Variants in RIPOR2 observed in about 807,000 individuals in gnomAD.
RIPOR2 encodes RHO family interacting cell polarization regulator 2.
In RIPOR2, 39 loss-of-function variants were observed where a neutral mutation model predicts 114.5. The ratio of observed to expected loss-of-function variants is 0.34; its 90% confidence interval spans 0.26 to 0.44. RIPOR2 has a LOEUF of 0.44. Ranked by LOEUF, RIPOR2 falls within the 20% of genes least tolerant of loss-of-function variation. RIPOR2 has a pLI of 1.00. For missense variants in RIPOR2, 1,007 were observed against 1,255.1 expected (o/e 0.80, Z 2.99); for synonymous variants, 445 against 484.4 (o/e 0.92, Z 1.07).
chr6:24,810,394 T>A (rs1239950612), intron 20 of RIPOR2, among the ~76,000 whole-genome samples: 1 of 152,208 alleles, frequency 6.6e-6, no homozygotes, highest in Non-Finnish European at 1.5e-5. Context: ...TGAATCTCAC[T>A]GATTCCAAAA....
intron 1 of RIPOR2, among the ~76,000 whole-genome samples, chr6:25,022,790 C>T (rs1180677086): frequency 6.6e-6 from 1 of 151,936 alleles, no homozygotes; most frequent in Admixed American, 6.6e-5. Flanking sequence ...AAGCAGTCCT[C>T]TCCCCACCAT....
intron 1 of RIPOR2, among the ~76,000 whole-genome samples, chr6:24,983,987 A>T (rs1032375195): frequency 6.6e-6 from 1 of 152,118 alleles, no homozygotes; most frequent in East Asian, 1.9e-4. Context: ...GAATAAGGAC[A>T]TGCTAGCTCC....
rs1252716834 is a variant in RIPOR2, at chr6:25,022,795, C to T, written c.76+19056G>A. ...TCATGGGCTCAAGCAGTCCTCTCCC[C>T]ACCATCTCCCAAAGTTTTGGGATTA... On this transcript the variant is annotated intron_variant, in intron 1 of 13. Coordinates refer to the RIPOR2 transcript ENST00000510784. 2.6e-5 allele frequency among the ~76,000 whole-genome samples: 4 copies of T among 152,040 alleles called. No homozygotes were observed. The South Asian group carries it at 6.2e-4, about 24-fold the overall frequency.
chr6:24,983,510 G>A (rs957949968), intron 1 of RIPOR2, among the ~76,000 whole-genome samples: 2 of 152,030 alleles, frequency 1.3e-5, no homozygotes, highest in Non-Finnish European at 2.9e-5. Context: ...TAATCTCAGC[G>A]CTTTGGGAGG....
In RIPOR2 at chr6:24,819,574, T is replaced by G. The variant is rs1198386466; in HGVS notation, c.2869-949A>C. On this transcript the variant is annotated intron_variant, in intron 19 of 21. Transcript: ENST00000643898. The stretch of plus-strand genomic sequence containing the variant: ...TGTGGCCCAGGCTGGAGTGCAGTGG[T>G]GTGATCTCGGCTCACTGTAACCTCC... Among the ~76,000 whole-genome samples the G allele has an allele frequency of 2.6e-5, 4 of 151,048 alleles. No individual in the cohort carries two copies. In the Admixed American group the frequency reaches 2.7e-4, roughly 10 times the overall value.
chr6:24,850,576 C>T, intron 10 of RIPOR2, 21 bp downstream of exon 10: 2 of 1,613,662 alleles, frequency 1.2e-6, no homozygotes, highest in South Asian at 1.1e-5. Context: ...GGAAAGACAA[C>T]AGGCAATGAC....
intron 1 of RIPOR2, among the ~76,000 whole-genome samples, chr6:24,967,621 TG>T (rs1773587035): frequency 6.6e-6 from 1 of 152,182 alleles, no homozygotes; most frequent in South Asian, 2.1e-4. Context: ...AACATATAAT[TG>T]GTCCCTCTCC....
intron 1 of RIPOR2, among the ~76,000 whole-genome samples, chr6:25,004,976 T>G (rs1351216045): frequency 7.4e-6 from 1 of 134,392 alleles, no homozygotes; most frequent in Non-Finnish European, 1.6e-5. Context: ...CCAAATGTAT[T>G]CAAATAGGCT....
intron 1 of RIPOR2, chr6:24,929,274 T>C (rs1471881112): frequency 6.6e-6 from 1 of 152,146 alleles, no homozygotes; most frequent in Non-Finnish European, 1.5e-5. Context: ...AGATGGTTTT[T>C]AGCTTACATG....
At chr6:24,930,154 G>T (rs780640240) in intron 1 of RIPOR2, among the ~76,000 whole-genome samples, 1 of 152,134 alleles carries the variant, frequency 6.6e-6, no homozygotes, top group Non-Finnish European at 1.5e-5. Context: ...AAGTGAAGTG[G>T]CTTCTATCAA....
intron 1 of RIPOR2, among the ~76,000 whole-genome samples, chr6:25,020,477 C>G (rs1776266021): frequency 6.6e-6 from 1 of 152,200 alleles, no homozygotes; most frequent in African/African-American, 2.4e-5. Context: ...TGATATTCAT[C>G]TTGATTCTTA....
intron 1 of RIPOR2, among the ~76,000 whole-genome samples, chr6:24,965,926 G>A (rs908858505): frequency 2.0e-5 from 3 of 152,066 alleles, no homozygotes; most frequent in African/African-American, 7.3e-5. Flanking sequence ...CTTCTGTATT[G>A]CAAGAGTTTC....
In RIPOR2 at chr6:24,825,485, A is replaced by G. The variant is rs187200747; in HGVS notation, c.2666-57T>C. On this transcript the variant is annotated intron_variant, in intron 18 of 21. Coordinates refer to ENST00000643898, the MANE Select transcript of RIPOR2 (RefSeq NM_001286445.3). ...TCTGACATGCTAAAGTAATCAGCTC[A>G]TTACAAATATAAATAGAACTCAAGT... 723 of 1,244,698 alleles carry G rather than the reference A, an allele frequency of 5.8e-4. 2 individuals are homozygous for G. The African/African-American group carries it at 8.5e-3, about 15-fold the overall frequency. The allele number at this position is 1,244,698 out of a possible 1,614,324, so 77.1% of individuals were successfully genotyped here. A position where few individuals can be genotyped will look rare whatever the true frequency, so the allele number is the denominator to read the frequency against.
At chr6:25,042,083 G>A (rs770358892), upstream of RIPOR2, 6 of 532,728 alleles carry the variant, frequency 1.1e-5, no homozygotes, top group Non-Finnish European at 2.0e-5. Flanking sequence ...GAGTATTTGA[G>A]GCTTCCGTTG....
intron 1 of RIPOR2, among the ~76,000 whole-genome samples, chr6:25,006,851 A>G (rs982461837): frequency 6.6e-6 from 1 of 152,268 alleles, no homozygotes; most frequent in Non-Finnish European, 1.5e-5. Context: ...GCTGCCAGGC[A>G]GCACTTTGCT....
intron 1 of RIPOR2, among the ~76,000 whole-genome samples, chr6:24,889,456 T>C (rs1274533899): frequency 6.6e-6 from 1 of 152,198 alleles, no homozygotes; most frequent in Non-Finnish European, 1.5e-5. Flanking sequence ...TTGTTAGCTA[T>C]TGGAATGACC....
rs1765425881 is a variant in RIPOR2, at chr6:24,873,636, GT to G, written c.344+7del. On this transcript the variant is annotated splice_region_variant and intron_variant, in intron 3 of 21. Transcript: ENST00000643898. ...CCTTAAAGTACATTATCAGGTTCAA[GT>G]TCTTACTCAAGTCCATTTTTCAAGG... 6.8e-6 allele frequency: 11 copies of G among 1,611,272 alleles called. No homozygotes were observed. The highest frequency in any genetic ancestry group is 9.3e-6 in the Non-Finnish European group (11 of 1,179,064).
chr6:24,859,473 A>G (rs60985329), intron 8 of RIPOR2, among the ~76,000 whole-genome samples: 3,695 of 152,234 alleles, frequency 0.024, 75 homozygotes, highest in African/African-American at 0.051. Context: ...CCCACGTGGG[A>G]CTATGGACCT....
intron 13 of RIPOR2, among the ~76,000 whole-genome samples, chr6:24,841,325 C>G (rs1761693836): frequency 6.6e-6 from 1 of 152,144 alleles, no homozygotes; most frequent in Non-Finnish European, 1.5e-5. Context: ...GAATACCAGA[C>G]AAGCAGCCTG....
Sources: allele counts gnomAD v4.1 joint callset (sites outside exome capture counted in the v4.1 genomes callset), GRCh38; gene constraint gnomAD v4.1.1; transcripts MANE v1.5; gene names NCBI Gene and HGNC (gene_info 2026-07-23, HGNC 2026-07-21).